ESR1: variants seen among roughly 807,000 people sequenced by gnomAD.
ESR1 encodes the protein estrogen receptor 1.
In ESR1, 12 loss-of-function variants were observed where a neutral mutation model predicts 52.7. That is an observed-to-expected ratio of 0.23 (90% CI 0.15 to 0.37). The LOEUF is 0.37. Among genes scored for constraint, ESR1 ranks in the 10% least tolerant of loss-of-function variants. The pLI, the probability that ESR1 is intolerant of heterozygous loss-of-function variation, is 1.00. For missense variants in ESR1, 584 were observed against 779.7 expected, an observed-to-expected ratio of 0.75 and a Z score of 2.99; for synonymous variants, 305 against 316.8, an observed-to-expected ratio of 0.96 and a Z score of 0.39.
At position 151,842,796 on chromosome 6, in the gene ESR1, G is replaced by A; in HGVS notation, c.643+9G>A. On this transcript the variant is annotated intron_variant, in intron 2 of 7. Coordinates refer to ENST00000206249, the MANE Select transcript of ESR1 (RefSeq NM_000125.4). ...CAAGAGAAGTATTCAAGGTAATAGT[G>A]TGTTGAAAACGACTTCTATTTTTGA... 2 of 1,612,920 alleles carry A rather than the reference G, an allele frequency of 1.2e-6. No individual in the cohort carries two copies. Among genetic ancestry groups the A allele is most frequent in the Non-Finnish European group, 8.5e-7 (1 of 1,179,074 alleles).
intron 3 of ESR1, among the ~76,000 whole-genome samples, chr6:151,887,898 C>T (rs1453790607): frequency 7.2e-5 from 11 of 151,920 alleles, no homozygotes; most frequent in East Asian, 1.9e-4. Flanking sequence ...TTTCATTGTT[C>T]GGTGTGTAGA....
chr6:151,807,553 GTTGTGC>G, upstream of ESR1: 1 of 407,590 alleles, frequency 2.5e-6, no homozygotes, highest in South Asian at 2.5e-5. Flanking sequence ...TCCAAATCGA[GTTGTGC>G]CTGGAGTGAT....
At chr6:151,792,342 C>T (rs573116278) in intron 2 of ESR1, among the ~76,000 whole-genome samples, 13 of 152,208 alleles carry the variant, frequency 8.5e-5, no homozygotes, top group Admixed American at 2.0e-4. Context: ...TTTATAAACA[C>T]TGTGCACTTA....
At chr6:151,871,789 G>A (rs1791018117) in intron 2 of ESR1, among the ~76,000 whole-genome samples, 1 of 152,164 alleles carries the variant, frequency 6.6e-6, no homozygotes, top group South Asian at 2.1e-4. Context: ...GTCTCTGTGA[G>A]TTTAACTATT....
At chr6:152,109,202 C>T (rs1262882495) in intron 6 of ESR1, among the ~76,000 whole-genome samples, 2 of 152,254 alleles carry the variant, frequency 1.3e-5, no homozygotes, top group East Asian at 1.9e-4. Context: ...TCACCTCCCA[C>T]CAGGCCCCAC....
At chr6:151,959,206 T>G (rs2037369775) in intron 4 of ESR1, among the ~76,000 whole-genome samples, 1 of 152,144 alleles carries the variant, frequency 6.6e-6, no homozygotes, top group African/African-American at 2.4e-5. Flanking sequence ...TGCCCCCTAT[T>G]CAACCCTTGC....
downstream of ESR1, among the ~76,000 whole-genome samples, chr6:152,106,141 T>C (rs2051064514): frequency 1.3e-5 from 2 of 152,186 alleles, no homozygotes; most frequent in South Asian, 4.1e-4. Context: ...TAATAGTAAC[T>C]TAAATCTGAT....
upstream of ESR1, chr6:151,805,005 T>TTATGTTCATAAGATAAACAA (rs1219443310): frequency 6.6e-6 from 1 of 152,234 alleles, no homozygotes; most frequent in Non-Finnish European, 1.5e-5. Flanking sequence ...CAAAGGTATC[T>TTATGTTCATAAGATAAACAA]ACCTTTATCT....
chr6:152,127,078 T>C (rs1055337817), exon 7 of ESR1: 1 of 152,178 alleles, frequency 6.6e-6, no homozygotes, highest in African/African-American at 2.4e-5. Context: ...GTTTCCAGAA[T>C]CAAGTTAGGA....
chr6:151,944,584 G>C (rs1264453416), intron 4 of ESR1, 76 bp downstream of exon 4: 6 of 1,331,242 alleles, frequency 4.5e-6, no homozygotes, highest in Non-Finnish European at 6.5e-6. Flanking sequence ...GAGAAATAGT[G>C]GGGGAAAAAG....
intron 1 of ESR1, among the ~76,000 whole-genome samples, chr6:151,836,746 C>T (rs6902771): frequency 0.45 from 68,483 of 151,940 alleles, 15,624 homozygotes; most frequent in African/African-American, 0.48. Flanking sequence ...TTTGAGTGTA[C>T]ATAGCTTTGG....
At chr6:151,758,620 G>A (rs1254433184) in intron 2 of ESR1, among the ~76,000 whole-genome samples, 1 of 152,054 alleles carries the variant, frequency 6.6e-6, no homozygotes, top group South Asian at 2.1e-4. Context: ...AATTAGGCAG[G>A]CCTGGTGGTG....
chr6:151,996,663 A>G (rs1441445408), intron 4 of ESR1, among the ~76,000 whole-genome samples: 4 of 152,112 alleles, frequency 2.6e-5, no homozygotes, highest in African/African-American at 7.2e-5. Flanking sequence ...AGCAATAGAC[A>G]GTGATAAGCA....
intron 2 of ESR1, among the ~76,000 whole-genome samples, chr6:151,754,748 C>A (rs1166764505): frequency 6.6e-6 from 1 of 152,210 alleles, no homozygotes; most frequent in Non-Finnish European, 1.5e-5. Context: ...AAAACTGGTG[C>A]TCCTCAGATT....
chr6:151,733,268 A>C (rs1032245784), intron 2 of ESR1, among the ~76,000 whole-genome samples: 1 of 152,150 alleles, frequency 6.6e-6, no homozygotes, highest in Non-Finnish European at 1.5e-5. Context: ...AGACTGTCTA[A>C]CTCAAGAGCC....
chr6:151,762,823 G>A (rs1285783446), intron 2 of ESR1, among the ~76,000 whole-genome samples: 1 of 152,032 alleles, frequency 6.6e-6, no homozygotes. Context: ...AATTAGCTGG[G>A]CATAGTGGCG....
intron 1 of ESR1, among the ~76,000 whole-genome samples, chr6:151,684,177 T>C (rs1384636619): frequency 1.3e-5 from 2 of 151,982 alleles, no homozygotes; most frequent in Admixed American, 1.3e-4. Context: ...AATAGGATGA[T>C]GTTGGGCCAT....
chr6:151,864,135 A>G (rs1034035302), intron 2 of ESR1, among the ~76,000 whole-genome samples: 14 of 152,216 alleles, frequency 9.2e-5, no homozygotes, highest in Admixed American at 7.9e-4. Context: ...AAAAGAAACT[A>G]CCATCAGACT....
intron 1 of ESR1, among the ~76,000 whole-genome samples, chr6:151,672,263 T>C (rs1778089835): frequency 6.6e-6 from 1 of 152,110 alleles, no homozygotes; most frequent in Non-Finnish European, 1.5e-5. Context: ...ATATATGCGG[T>C]TTTTATTTGT....
Sources: allele counts gnomAD v4.1 joint callset (sites outside exome capture counted in the v4.1 genomes callset), GRCh38; gene constraint gnomAD v4.1.1; transcripts MANE v1.5; gene names NCBI Gene and HGNC (gene_info 2026-07-23, HGNC 2026-07-21).